Variants in PIEZO2 observed in about 807,000 individuals in gnomAD.
PIEZO2 encodes piezo-type mechanosensitive ion channel component 2.
In PIEZO2, 172 loss-of-function variants were observed where a neutral mutation model predicts 337.3. The ratio of observed to expected loss-of-function variants is 0.51; its 90% CI spans 0.45 to 0.58. The LOEUF is 0.58. Among genes scored for constraint, PIEZO2 ranks in the 20% least tolerant of loss-of-function variants. The probability of loss-of-function intolerance (pLI) is 0.00; values close to 1 mark genes in which losing one functional copy is unlikely to be tolerated. For missense variants in PIEZO2, 3,028 were observed against 3,391.3 expected, an observed-to-expected ratio of 0.89 and a Z score of 2.66; for synonymous variants, 1,251 against 1,228.5, an observed-to-expected ratio of 1.02 and a Z score of -0.38.
chr18:10,753,370 G>A (rs2037718709), intron 27 of PIEZO2, among the ~76,000 whole-genome samples: 2 of 152,324 alleles, frequency 1.3e-5, no homozygotes, highest in East Asian at 1.9e-4. Context: ...CCATGGTGGG[G>A]CTTTTTTGTT....
At chr18:10,689,903 G>A in intron 48 of PIEZO2, 101 bp from the exon 49 acceptor site, 1 of 1,388,244 alleles carries the variant, frequency 7.2e-7, no homozygotes, top group Non-Finnish European at 9.6e-7. Context: ...TTAACCTCAT[G>A]ACTCAGAAAC....
chr18:11,124,278 T>C lies in PIEZO2; in HGVS notation c.64+24247A>G, dbSNP rs189332754. ...CTTGTAATCAGATCGTTTGGCTACT[T>C]TCCATTCCTCTAGGATCACAATGGC... On this transcript the variant is annotated intron_variant, in intron 1 of 55. Coordinates refer to ENST00000674853, the MANE Select transcript of PIEZO2 (RefSeq NM_001378183.1). Among the ~76,000 whole-genome samples the C allele has an allele frequency of 2.6e-5, 4 of 152,312 alleles. No individual in the cohort carries two copies. The East Asian group carries it at 7.7e-4, about 29-fold the overall frequency.
intron 2 of PIEZO2, among the ~76,000 whole-genome samples, chr18:11,005,100 T>C (rs764245294): frequency 6.6e-6 from 1 of 152,240 alleles, no homozygotes; most frequent in Non-Finnish European, 1.5e-5. Flanking sequence ...GACTTCTTGT[T>C]ATTTTATTCA....
chr18:10,981,575 T>C (rs1049309330), intron 2 of PIEZO2, among the ~76,000 whole-genome samples: 1 of 152,208 alleles, frequency 6.6e-6, no homozygotes, highest in Non-Finnish European at 1.5e-5. Flanking sequence ...AGAATCTCTT[T>C]AACCTAGTGT....
rs2032812083 is a variant in PIEZO2 at position 10,943,075 on chromosome 18, C to G, written c.287-31847G>C. Among the ~76,000 whole-genome samples the G allele has an allele frequency of 6.6e-6, 1 of 152,160 alleles. No individual in the cohort carries two copies. Among genetic ancestry groups the G allele is most frequent in the African/African-American group, 2.4e-5 (1 of 41,440 alleles). ...AGATTTCAGAAGATACATGGAAACC[C>G]CTGGATAACCAGGCAGAAGTTTGCT... On this transcript the variant is annotated intron_variant, in intron 3 of 55. Coordinates refer to ENST00000674853, the MANE Select transcript of PIEZO2 (RefSeq NM_001378183.1). The surrounding 1 kb of genome is among the most constrained non-coding windows in gnomAD (Gnocchi z 4.5).
At chr18:10,909,960 TAAC>T (rs2030312191) in intron 4 of PIEZO2, among the ~76,000 whole-genome samples, 1 of 152,206 alleles carries the variant, frequency 6.6e-6, no homozygotes, top group African/African-American at 2.4e-5. Flanking sequence ...TTGAATCAAT[TAAC>T]AAGTGGCAAA....
chr18:11,130,424 T>C (rs1401957204), intron 1 of PIEZO2, among the ~76,000 whole-genome samples: 6 of 152,270 alleles, frequency 3.9e-5, no homozygotes, highest in Non-Finnish European at 5.9e-5. Flanking sequence ...AGGCCAGCAA[T>C]ATACCTTTAC....
chr18:10,713,131 T>A lies in PIEZO2; in HGVS notation c.5423+1633A>T, dbSNP rs983447627. Among the ~76,000 whole-genome samples, 1 of 152,182 alleles carries A rather than the reference T, an allele frequency of 6.6e-6. No individual in the cohort carries two copies. Among genetic ancestry groups the A allele is most frequent in the Non-Finnish European group, 1.5e-5 (1 of 68,026 alleles). ...TCAATCTAGGCATGAATATATATAT[T>A]TTAAATTAGGCTTAGCATACATCTT... On this transcript the variant is annotated intron_variant, in intron 39 of 55. Transcript: ENST00000674853. The surrounding 1 kb of genome is among the most constrained non-coding windows in gnomAD (Gnocchi z 4.5).
At position 11,022,869 on chromosome 18, in the gene PIEZO2, G is replaced by A. The variant is rs145010913; in HGVS notation, c.161-43209C>T. Among the ~76,000 whole-genome samples the A allele has an allele frequency of 4.2e-3, 644 of 152,210 alleles. 19 individuals carry two copies. In the East Asian group the frequency reaches 0.054, roughly 13 times the overall value. On this transcript the variant is annotated intron_variant, in intron 2 of 55. Transcript: ENST00000674853. ...TACAGTTCTTAAAGGCGGTGTGTCC[G>A]GAGTTTGTTCCTTCTGATGTTCGGA...
chr18:10,772,054 A>G (rs1002940005), intron 20 of PIEZO2, among the ~76,000 whole-genome samples: 1 of 152,244 alleles, frequency 6.6e-6, no homozygotes, highest in Admixed American at 6.5e-5. Context: ...TCTCAATTTT[A>G]TTAATAACGA....
chr18:10,766,322 T>G lies in PIEZO2; in HGVS notation c.2947-3224A>C, dbSNP rs891663926. Among the ~76,000 whole-genome samples the G allele has an allele frequency of 1.3e-5, 2 of 148,780 alleles. No individual in the cohort carries two copies. Among genetic ancestry groups the G allele is most frequent in the African/African-American group, 2.5e-5 (1 of 40,230 alleles). On this transcript the variant is annotated intron_variant, in intron 21 of 55. Transcript: ENST00000674853. This position sits in a 1 kb window ranked among gnomAD's most constrained non-coding sequence, Gnocchi z 6.1. ...AAAGGAGGGGAAGGGGAAGGAGAAGTAGGAGGAGAAGGAGGAGGAGGAGGA... is the reference window on the plus strand; with the variant it reads ...AAAGGAGGGGAAGGGGAAGGAGAAGGAGGAGGAGAAGGAGGAGGAGGAGGA...
At chr18:10,956,117 C>A (rs562548889) in intron 3 of PIEZO2, among the ~76,000 whole-genome samples, 1 of 152,198 alleles carries the variant, frequency 6.6e-6, no homozygotes, top group East Asian at 1.9e-4. Context: ...TGAGTTTTCA[C>A]CTGATTAGCC....
At position 11,009,135 on chromosome 18, in the gene PIEZO2, T is replaced by C. The variant is rs2035812316; in HGVS notation, c.161-29475A>G. Reference sequence around the variant, plus strand: ...CTACCCTCTTGCTTCATACAATTGGTGATTGTCTCAGGGTAGGAATCCTGG... The same window carrying C: ...CTACCCTCTTGCTTCATACAATTGGCGATTGTCTCAGGGTAGGAATCCTGG... On this transcript the variant is annotated intron_variant, in intron 2 of 55. Transcript: ENST00000674853. This position sits in a 1 kb window ranked among gnomAD's most constrained non-coding sequence, Gnocchi z 4.6. Among the ~76,000 whole-genome samples the C allele has an allele frequency of 6.6e-6, 1 of 152,236 alleles. No individual in the cohort carries two copies. The highest frequency in any genetic ancestry group is 1.5e-5 in the Non-Finnish European group (1 of 68,028).
At chr18:10,769,219 C>T (rs1218848580) in intron 21 of PIEZO2, among the ~76,000 whole-genome samples, 2 of 152,216 alleles carry the variant, frequency 1.3e-5, no homozygotes, top group Admixed American at 6.5e-5. Flanking sequence ...CTCCATTTAA[C>T]GTATACGCCC....
At chr18:11,039,735 C>A (rs7234051) in intron 2 of PIEZO2, among the ~76,000 whole-genome samples, 2,003 of 132,124 alleles carry the variant, frequency 0.015, 57 homozygotes, top group African/African-American at 0.054. Flanking sequence ...TAAGTTGAAT[C>A]TATTTTAAAT....
chr18:11,034,356 T>G (rs893198494), intron 2 of PIEZO2, among the ~76,000 whole-genome samples: 1 of 151,738 alleles, frequency 6.6e-6, no homozygotes, highest in Non-Finnish European at 1.5e-5. Context: ...AGTGCAATGG[T>G]GCGATCTCGG....
rs553574900 is a variant in PIEZO2 at position 10,761,038 on chromosome 18, C to T, written c.3323G>A (p.Arg1108Gln). Residue 1108 changes from arginine (R) to glutamine (Q), a missense_variant, in exon 24 of 56, where the codon CGA becomes CAA. Arg to Gln is a conservative substitution (Grantham distance 43). Around this residue, in one of 5 missense-constraint regions of PIEZO2, gnomAD observed 1,925 missense variants for 2,051.9 expected, o/e 0.94. Transcript: ENST00000674853. ...IYRHQEYYRGRNNLTAPVSRT... is the reference protein window; with the variant it reads ...IYRHQEYYRGQNNLTAPVSRT... ...AGACACAGGGGCCGTCAGGTTATTT[C>T]GACCTCGATAGTATTCCTGATGGCG... The T allele has an allele frequency of 4.4e-5, 67 of 1,537,126 alleles. No individual in the cohort carries two copies. The South Asian group carries it at 6.1e-4, about 14-fold the overall frequency.
At chr18:11,084,003 C>A (rs1292476734) in intron 1 of PIEZO2, among the ~76,000 whole-genome samples, 2 of 151,892 alleles carry the variant, frequency 1.3e-5, no homozygotes, top group African/African-American at 4.8e-5. Flanking sequence ...ATGGCAAAAC[C>A]CTGTTTCTAC....
chr18:10,928,172 T>A (rs1421454125), intron 3 of PIEZO2, among the ~76,000 whole-genome samples: 1 of 152,140 alleles, frequency 6.6e-6, no homozygotes, highest in Non-Finnish European at 1.5e-5. Context: ...TCAGTTTCCA[T>A]ATTACAGTAA....
Sources: allele counts gnomAD v4.1 joint callset (sites outside exome capture counted in the v4.1 genomes callset), GRCh38; gene constraint gnomAD v4.1.1; regional missense constraint gnomAD v4.1.1; non-coding constraint Gnocchi (gnomAD v3.1); transcripts MANE v1.5; gene names NCBI Gene and HGNC (gene_info 2026-07-23, HGNC 2026-07-21).